TENM4: variants seen among roughly 807,000 people sequenced by gnomAD.
TENM4 encodes the protein teneurin transmembrane protein 4.
TENM4 carries 82 observed loss-of-function variants against 243.3 expected under a neutral mutation model. The observed-to-expected ratio is 0.34, with a 90% CI of 0.28 to 0.40. The LOEUF (loss-of-function observed/expected upper bound fraction) is 0.40, where lower values mean the gene tolerates loss of function less well. TENM4 is among the 10% of genes least tolerant of loss of function. The pLI is 1.00. For missense variants in TENM4, 3,138 were observed against 3,673.3 expected, an observed-to-expected ratio of 0.85 and a Z score of 3.77; for synonymous variants, 1,412 against 1,456.3, an observed-to-expected ratio of 0.97 and a Z score of 0.69.
intron 25 of TENM4, among the ~76,000 whole-genome samples, chr11:78,716,462 T>C (rs1160139297): frequency 6.6e-6 from 1 of 152,222 alleles, no homozygotes; most frequent in Non-Finnish European, 1.5e-5. Flanking sequence ...GAGGGACTGA[T>C]TACCAGTCTC....
intron 16 of TENM4, among the ~76,000 whole-genome samples, chr11:78,786,445 T>A (rs984911582): frequency 1.3e-5 from 2 of 152,242 alleles, no homozygotes; most frequent in African/African-American, 4.8e-5. Context: ...AATGGCTGCA[T>A]GTACTGGGCA....
At chr11:79,140,111 T>C (rs1862258436) in intron 4 of TENM4, among the ~76,000 whole-genome samples, 1 of 151,806 alleles carries the variant, frequency 6.6e-6, no homozygotes, top group Non-Finnish European at 1.5e-5. Flanking sequence ...TCGTCTCCCA[T>C]CTCTCCCTAT....
chr11:79,414,818 A>T (rs938529363), intron 1 of TENM4, among the ~76,000 whole-genome samples: 16 of 152,212 alleles, frequency 1.1e-4, no homozygotes, highest in African/African-American at 3.9e-4. Flanking sequence ...TGGGCAAAAA[A>T]TGTCAAAACC....
chr11:79,001,482 C>T (rs1858326509), intron 6 of TENM4, among the ~76,000 whole-genome samples: 1 of 151,926 alleles, frequency 6.6e-6, no homozygotes, highest in Non-Finnish European at 1.5e-5. Context: ...AGGAGACCCC[C>T]CCCAAATCCC....
At chr11:78,707,236 A>G (rs1859279471) in intron 27 of TENM4, among the ~76,000 whole-genome samples, 1 of 152,206 alleles carries the variant, frequency 6.6e-6, no homozygotes. Context: ...AATGCTCCTG[A>G]TTTCCCAGGT....
At chr11:78,895,069 C>T (rs922901532) in intron 7 of TENM4, among the ~76,000 whole-genome samples, 13 of 141,364 alleles carry the variant, frequency 9.2e-5, no homozygotes, top group African/African-American at 2.8e-4. Context: ...TTCTGCTGGG[C>T]GTTGTGGCTC....
intron 6 of TENM4, among the ~76,000 whole-genome samples, chr11:78,932,345 A>AG (rs1452388676): frequency 4.6e-5 from 7 of 152,206 alleles, no homozygotes; most frequent in Admixed American, 1.3e-4. Flanking sequence ...ACATCAGTTC[A>AG]GGGGACAGCA....
At chr11:79,415,298 GC>G (rs1419073561) in intron 1 of TENM4, among the ~76,000 whole-genome samples, 2 of 152,184 alleles carry the variant, frequency 1.3e-5, no homozygotes, top group Non-Finnish European at 2.9e-5. Context: ...TCATGTCTAT[GC>G]CCCCAAGGAA....
At chr11:78,779,053 C>T (rs1468041567) in intron 16 of TENM4, among the ~76,000 whole-genome samples, 2 of 152,226 alleles carry the variant, frequency 1.3e-5, no homozygotes, top group African/African-American at 4.8e-5. Context: ...GCAGCCATAA[C>T]AAGAACAAGT....
At chr11:78,671,849 C>T (rs764119035) in intron 31 of TENM4, among the ~76,000 whole-genome samples, 184 bp downstream of exon 31, 2 of 152,356 alleles carry the variant, frequency 1.3e-5, no homozygotes, top group Admixed American at 6.5e-5. Context: ...ACCTGCCATG[C>T]TATCTCCCTG....
chr11:79,252,724 T>G (rs1378102066), intron 2 of TENM4, among the ~76,000 whole-genome samples: 1 of 152,158 alleles, frequency 6.6e-6, no homozygotes, highest in Non-Finnish European at 1.5e-5. Flanking sequence ...CTAGGGAGCT[T>G]GACCTCTCCC....
intron 2 of TENM4, among the ~76,000 whole-genome samples, chr11:79,293,022 C>A (rs1442952095): frequency 1.3e-5 from 2 of 152,176 alleles, no homozygotes; most frequent in Non-Finnish European, 2.9e-5. Context: ...GAAAGGACCA[C>A]AGGAGAACCA....
In TENM4 at chr11:79,355,201, A is replaced by G. The variant is rs117777844; in HGVS notation, c.-320-57658T>C. Among the ~76,000 whole-genome samples the G allele has an allele frequency of 9.0e-3, 1,365 of 152,294 alleles. 12 individuals carry two copies. The highest frequency in any genetic ancestry group is 0.018 in the South Asian group (88 of 4,820). ...TTGAATCCTTCATTTGCATGAACAG[A>G]CTTGATTGTGAACTTAGGTGAGAAC... is the stretch of plus-strand genomic sequence containing the variant. On this transcript the variant is annotated intron_variant, in intron 1 of 33. Coordinates refer to ENST00000278550, the MANE Select transcript of TENM4 (RefSeq NM_001098816.3).
chr11:78,711,683 A>C (rs1336366941), intron 26 of TENM4, among the ~76,000 whole-genome samples: 1 of 152,110 alleles, frequency 6.6e-6, no homozygotes, highest in African/African-American at 2.4e-5. Context: ...ATCACTGGCT[A>C]TAGGGTTGCA....
intron 29 of TENM4, among the ~76,000 whole-genome samples, chr11:78,687,644 CCTT>C (rs1858718823): frequency 2.0e-5 from 3 of 152,146 alleles, no homozygotes; most frequent in Admixed American, 6.5e-5. Context: ...GAGGCACAAA[CCTT>C]CTCACCTGGG....
intron 29 of TENM4, among the ~76,000 whole-genome samples, chr11:78,677,783 T>C (rs1858518918): frequency 6.6e-6 from 1 of 151,894 alleles, no homozygotes; most frequent in Non-Finnish European, 1.5e-5. Flanking sequence ...TCTTTTTTTT[T>C]TTATTATACT....
intron 6 of TENM4, among the ~76,000 whole-genome samples, chr11:79,047,839 G>C (rs1340082319): frequency 6.6e-6 from 1 of 152,110 alleles, no homozygotes. Context: ...ATTTTAAGAG[G>C]AGAATGAAAT....
At chr11:79,362,078 G>T (rs573654808) in intron 1 of TENM4, among the ~76,000 whole-genome samples, 1 of 152,152 alleles carries the variant, frequency 6.6e-6, no homozygotes, top group South Asian at 2.1e-4. Context: ...TTAGGAAAAA[G>T]GGTTGTTCCA....
At chr11:79,379,373 C>A (rs1441698149) in intron 1 of TENM4, among the ~76,000 whole-genome samples, 8 of 152,104 alleles carry the variant, frequency 5.3e-5, no homozygotes, top group African/African-American at 1.9e-4. Context: ...GCTGTTATAG[C>A]CGTGTTATCG....
Sources: allele counts gnomAD v4.1 joint callset (sites outside exome capture counted in the v4.1 genomes callset), GRCh38; gene constraint gnomAD v4.1.1; transcripts MANE v1.5; gene names NCBI Gene and HGNC (gene_info 2026-07-23, HGNC 2026-07-21).